Variants in GPBP1 observed in about 807,000 individuals in gnomAD.
The protein encoded by GPBP1 is vasculin.
In GPBP1, 13 loss-of-function variants were observed where a neutral mutation model predicts 56.5. The ratio of observed to expected loss-of-function variants is 0.23; its 90% CI spans 0.15 to 0.37. The LOEUF (loss-of-function observed/expected upper bound fraction) is 0.37, where lower values mean the gene tolerates loss of function less well. Among genes scored for constraint, GPBP1 ranks in the 10% least tolerant of loss-of-function variants. GPBP1 has a pLI of 1.00. For synonymous variants in GPBP1, 204 were observed against 188.9 expected, an observed-to-expected ratio of 1.08 and a Z score of -0.66; for missense variants, 477 against 572.3, an observed-to-expected ratio of 0.83 and a Z score of 1.70.
chr5:57,206,164 T>A (rs1435403878), intron 2 of GPBP1, among the ~76,000 whole-genome samples: 3 of 152,232 alleles, frequency 2.0e-5, no homozygotes, highest in Non-Finnish European at 4.4e-5. Flanking sequence ...GAGGTGCATA[T>A]ATTTTCTTCT....
chr5:57,240,454 G>T (rs894335577), intron 6 of GPBP1, among the ~76,000 whole-genome samples: 2 of 152,108 alleles, frequency 1.3e-5, no homozygotes, highest in Non-Finnish European at 2.9e-5. Flanking sequence ...ATTCAGTGTA[G>T]GTTTACTAGT....
intron 3 of GPBP1, among the ~76,000 whole-genome samples, chr5:57,227,794 C>G (rs1360829668): frequency 6.6e-6 from 1 of 152,140 alleles, no homozygotes; most frequent in African/African-American, 2.4e-5. Flanking sequence ...GAAACAGTAT[C>G]CAGGCTAGCT....
chr5:57,204,005 G>A (rs962961190), intron 2 of GPBP1, among the ~76,000 whole-genome samples: 1 of 152,058 alleles, frequency 6.6e-6, no homozygotes, highest in Non-Finnish European at 1.5e-5. Flanking sequence ...CTGATGACCC[G>A]TAACTCTTAG....
intron 10 of GPBP1, among the ~76,000 whole-genome samples, chr5:57,251,826 C>A (rs1741406615): frequency 6.6e-6 from 1 of 152,038 alleles, no homozygotes; most frequent in African/African-American, 2.4e-5. Flanking sequence ...GTTCTAGTTT[C>A]TCCACATTCT....
At chr5:57,236,778 C>T (rs1270824908) in intron 6 of GPBP1, among the ~76,000 whole-genome samples, 1 of 152,048 alleles carries the variant, frequency 6.6e-6, no homozygotes, top group Admixed American at 6.6e-5. Flanking sequence ...TCATTTGATA[C>T]TAAATTCAGA....
chr5:57,230,609 T>G (rs1756408677), intron 3 of GPBP1: 1 of 474,640 alleles, frequency 2.1e-6, no homozygotes, highest in Non-Finnish European at 3.7e-6. Context: ...TTTATATTTT[T>G]TGGAAAAAAA....
At chr5:57,187,430 G>C (rs999730448) in intron 2 of GPBP1, among the ~76,000 whole-genome samples, 3 of 152,180 alleles carry the variant, frequency 2.0e-5, no homozygotes, top group African/African-American at 7.2e-5. Flanking sequence ...TTATGTGCTA[G>C]AGATTTCCTT....
intron 2 of GPBP1, among the ~76,000 whole-genome samples, chr5:57,189,621 CTA>C (rs2111625994): frequency 6.6e-6 from 1 of 152,338 alleles, no homozygotes; most frequent in African/African-American, 2.4e-5. Context: ...ATTGTGTACT[CTA>C]TTTCATTATT....
At chr5:57,187,909 T>C (rs777682834) in intron 2 of GPBP1, among the ~76,000 whole-genome samples, 2 of 151,486 alleles carry the variant, frequency 1.3e-5, no homozygotes, top group Admixed American at 6.6e-5. Flanking sequence ...ATATGTATAA[T>C]GTATTTGTGT....
intron 3 of GPBP1, among the ~76,000 whole-genome samples, chr5:57,229,210 G>T (rs1364556447): frequency 8.6e-6 from 1 of 115,630 alleles, no homozygotes; most frequent in Non-Finnish European, 1.7e-5. Flanking sequence ...CAGCCTGGGC[G>T]ACAGAACAAG....
At chr5:57,219,398 AAAAAAC>A (rs1755838888) in intron 3 of GPBP1, among the ~76,000 whole-genome samples, 1 of 69,772 alleles carries the variant, frequency 1.4e-5, no homozygotes, top group African/African-American at 1.1e-4. Context: ...AAAAAAAAAA[AAAAAAC>A]CAAAAACAAA....
Position 57,230,965 on chromosome 5 carries a change from T to G in GPBP1, c.183T>G (p.Asn61Lys). ...TTGATTCTGCTATTGGGCGTCCTAA[T>G]GGAGGTAAAATTTGCTAAGGAATGA... ...DGFDSAIGRPNGGNFGRKEKN... is the reference protein window; with the variant it reads ...DGFDSAIGRPKGGNFGRKEKN... The change falls in exon 4 of 12, where the codon AAT becomes AAG. Residue 61 changes from asparagine to lysine, a missense_variant. Asn to Lys is a moderately conservative substitution (Grantham distance 94). Transcript: ENST00000506184. The G allele has an allele frequency of 6.3e-7, 1 of 1,599,550 alleles. No homozygotes were observed. Among genetic ancestry groups the G allele is most frequent in the Non-Finnish European group, 8.5e-7 (1 of 1,175,024 alleles).
chr5:57,214,121 C>G lies in GPBP1; in HGVS notation c.-10C>G. Reference sequence around the variant, plus strand: ...GCCTTGTTTCACTGAGTTGGAGAGACTGGACCTAAATGGCGCAGCATGACT... The same window carrying G: ...GCCTTGTTTCACTGAGTTGGAGAGAGTGGACCTAAATGGCGCAGCATGACT... On this transcript the variant is annotated 5_prime_UTR_variant, in exon 3 of 12. Transcript: ENST00000506184. 1 of 1,612,844 alleles carries G rather than the reference C, an allele frequency of 6.2e-7. No individual in the cohort carries two copies. Among genetic ancestry groups the G allele is most frequent in the South Asian group, 1.1e-5 (1 of 91,064 alleles).
At chr5:57,185,258 CTTTTT>C (rs747214276) in intron 2 of GPBP1, among the ~76,000 whole-genome samples, 13,107 of 128,606 alleles carry the variant, frequency 0.1, 652 homozygotes, top group South Asian at 0.14. Context: ...TTGGTTAGGT[CTTTTT>C]TTTTTTTTTT....
chr5:57,264,486 T>C lies in GPBP1; in HGVS notation c.*1734T>C, dbSNP rs567823114. 4 of 152,318 alleles carry C rather than the reference T, an allele frequency of 2.6e-5. No individual in the cohort carries two copies. The South Asian group carries it at 6.2e-4, about 24-fold the overall frequency. 9.4% of individuals were successfully genotyped at this position (152,318 alleles called of 1,614,324 possible). On this transcript the variant is annotated 3_prime_UTR_variant, in exon 12 of 12. Transcript: ENST00000506184. ...TGAGGAATGTGGTTTACATTTGAGA[T>C]CCACCTTACTGTGTTTTCTACTTTC...
At chr5:57,239,767 G>C (rs1740735268) in intron 6 of GPBP1, among the ~76,000 whole-genome samples, 1 of 151,554 alleles carries the variant, frequency 6.6e-6, no homozygotes, top group Non-Finnish European at 1.5e-5. Context: ...GCGACAAAGA[G>C]ACACTCCATC....
intron 2 of GPBP1, among the ~76,000 whole-genome samples, chr5:57,182,040 C>G (rs1255625071): frequency 6.6e-6 from 1 of 152,094 alleles, no homozygotes. Flanking sequence ...TTGTTCACAG[C>G]TTGGTGGGTG....
Position 57,235,983 on chromosome 5 carries a change from G to A in GPBP1, c.429G>A (p.Glu143=), listed in dbSNP as rs1169606854. The A allele has an allele frequency of 5.6e-6, 9 of 1,610,760 alleles. No individual in the cohort carries two copies. The highest frequency in any genetic ancestry group is 7.6e-6 in the Non-Finnish European group (9 of 1,177,432). The change falls in exon 6 of 12, where the codon GAG becomes GAA. Residue 143 remains glutamate (E), a synonymous_variant. Coordinates refer to ENST00000506184, the MANE Select transcript of GPBP1 (RefSeq NM_022913.4). The stretch of plus-strand genomic sequence containing the variant: ...TCTTCCAGCCGTCTTTAAATCCTGA[G>A]TATGAGAGAGAACCAAATCACAATA... ...EAEDFPSLNP[E]YEREPNHNKS... is the part of the protein sequence containing the mutation.
chr5:57,224,151 T>C (rs932139810), intron 3 of GPBP1, among the ~76,000 whole-genome samples: 21 of 151,874 alleles, frequency 1.4e-4, no homozygotes, highest in African/African-American at 4.8e-4. Flanking sequence ...TATTTTTAAT[T>C]AAAATTTTTT....
Sources: gnomAD v4.1 joint callset for allele counts (sites outside exome capture counted in the v4.1 genomes callset) on GRCh38, gnomAD v4.1.1 for gene constraint, MANE v1.5 for transcripts, NCBI Gene and HGNC (gene_info 2026-07-23, HGNC 2026-07-21) for gene names.